The following ACSM5 variants were observed in gnomAD, a reference collection of about 807,000 sequenced individuals.
The protein encoded by ACSM5 is acyl-coenzyme A synthetase ACSM5, mitochondrial.
A neutral mutation model predicts 71.6 loss-of-function variants in ACSM5; 56 were observed. That is an observed-to-expected ratio of 0.78 (90% CI 0.63 to 0.98). The LOEUF (loss-of-function observed/expected upper bound fraction) is 0.98, where lower values mean the gene tolerates loss of function less well. Ranked by LOEUF, ACSM5 falls within the 50% of genes least tolerant of loss-of-function variation. ACSM5 has a pLI of 0.00. For synonymous variants in ACSM5, 285 were observed against 281.5 expected (o/e 1.01, Z -0.12); for missense variants, 723 against 726.0 (o/e 1.00, Z 0.05).
intron 6 of ACSM5, among the ~76,000 whole-genome samples, chr16:20,424,511 G>A (rs1286004523): frequency 6.6e-6 from 1 of 151,858 alleles, no homozygotes; most frequent in African/African-American, 2.4e-5. Flanking sequence ...GAGATTGGTG[G>A]CCCCAGTCAA....
At chr16:20,437,951 C>A (rs1017377277) in intron 12 of ACSM5, among the ~76,000 whole-genome samples, 3 of 147,260 alleles carry the variant, frequency 2.0e-5, no homozygotes, top group Non-Finnish European at 4.5e-5. Flanking sequence ...GCACCCCCCC[C>A]AGTAGCTGGG....
intron 10 of ACSM5, among the ~76,000 whole-genome samples, chr16:20,433,216 CAT>C (rs778910449): frequency 9.2e-5 from 14 of 152,318 alleles, no homozygotes; most frequent in South Asian, 8.3e-4. Context: ...AATCAGGAAA[CAT>C]GTGAAAATTA....
intron 4 of ACSM5, 46 bp from the exon 5 acceptor site, chr16:20,421,212 C>G (rs1966877226): frequency 6.6e-7 from 1 of 1,515,236 alleles, no homozygotes; most frequent in Non-Finnish European, 8.9e-7. Flanking sequence ...GTGCTACTAA[C>G]TGTTTTTACC....
At chr16:20,409,907 G>A (rs1309242771) in intron 1 of ACSM5, among the ~76,000 whole-genome samples, 6 of 114,068 alleles carry the variant, frequency 5.3e-5, no homozygotes, top group African/African-American at 1.4e-4. Flanking sequence ...GAGAGGTGAG[G>A]GGCGGGAGAG....
Position 20,411,611 on chromosome 16 carries a change from A to G in ACSM5, c.127A>G (p.Ser43Gly). Reference protein sequence around the residue: ...QKIVATWEAISLGRQLVPEYF... With the variant: ...QKIVATWEAIGLGRQLVPEYF... ...GATCGTGGCCACCTGGGAAGCCATC[A>G]GCCTGGGAAGGCAGCTGGTGCCTGA... is the stretch of plus-strand genomic sequence containing the variant. The change falls in exon 2 of 14, where the codon AGC becomes GGC. Residue 43 changes from serine to glycine, a missense_variant. Ser to Gly is a moderately conservative substitution (Grantham distance 56). Transcript: ENST00000331849. The G allele has an allele frequency of 1.2e-6, 2 of 1,614,204 alleles. No homozygotes were observed. The highest frequency in any genetic ancestry group is 1.1e-5 in the South Asian group (1 of 91,080).
At chr16:20,426,063 C>G (rs192073760) in intron 6 of ACSM5, among the ~76,000 whole-genome samples, 6,583 of 151,872 alleles carry the variant, frequency 0.043, 147 homozygotes, top group South Asian at 0.058. Context: ...TAGAAGTGTT[C>G]CTTGTTCACT....
At chr16:20,439,438 C>G (rs555051996) in intron 12 of ACSM5, among the ~76,000 whole-genome samples, 41 of 151,466 alleles carry the variant, frequency 2.7e-4, no homozygotes, top group African/African-American at 1.0e-3. Context: ...CTACCTTTCT[C>G]ATTAGGAAAA....
chr16:20,419,540 G>A lies in ACSM5; in HGVS notation c.623+105G>A. On this transcript the variant is annotated intron_variant, in intron 4 of 13. Coordinates refer to ENST00000331849, the MANE Select transcript of ACSM5 (RefSeq NM_017888.3). ...TTCCACACATAGAGAGCGAATCAGAGAGGAGCACTCCCATTGGCAGCCAGG... is the reference window on the plus strand; with the variant it reads ...TTCCACACATAGAGAGCGAATCAGAAAGGAGCACTCCCATTGGCAGCCAGG... The A allele has an allele frequency of 2.6e-6, 3 of 1,145,182 alleles. No individual in the cohort carries two copies. In the South Asian group the frequency reaches 4.3e-5, roughly 16 times the overall value. The allele number at this position is 1,145,182 out of a possible 1,614,324, so 70.9% of individuals were successfully genotyped here. A position where few individuals can be genotyped will look rare whatever the true frequency, so the allele number is the denominator to read the frequency against.
chr16:20,414,558 A>G (rs749711584), intron 2 of ACSM5, among the ~76,000 whole-genome samples: 2 of 152,258 alleles, frequency 1.3e-5, no homozygotes, highest in Non-Finnish European at 2.9e-5. Context: ...CTCCAGAACT[A>G]TAAGGCTGTA....
intron 3 of ACSM5, among the ~76,000 whole-genome samples, chr16:20,418,985 G>A (rs967835829): frequency 3.3e-5 from 5 of 152,178 alleles, no homozygotes; most frequent in African/African-American, 1.2e-4. Flanking sequence ...GGTTCCTTCA[G>A]CAGAGAAACA....
chr16:20,426,177 C>T (rs1596618274), intron 6 of ACSM5, among the ~76,000 whole-genome samples: 1 of 152,128 alleles, frequency 6.6e-6, no homozygotes. Context: ...GATTCTTAAC[C>T]CATATTGATT....
At chr16:20,435,986 C>G (rs1165396957) in intron 10 of ACSM5, among the ~76,000 whole-genome samples, 9 of 144,704 alleles carry the variant, frequency 6.2e-5, no homozygotes, top group Non-Finnish European at 1.5e-5. Flanking sequence ...TTTTTTCTTT[C>G]TTTCTTTTCT....
intron 12 of ACSM5, among the ~76,000 whole-genome samples, chr16:20,437,630 T>C (rs1427082338): frequency 7.8e-6 from 1 of 127,506 alleles, no homozygotes; most frequent in African/African-American, 3.2e-5. Flanking sequence ...GCAGGAGATC[T>C]TGGGGGAGGT....
chr16:20,430,979 T>C lies in ACSM5; in HGVS notation c.1126-14T>C. On this transcript the variant is annotated splice_polypyrimidine_tract_variant and intron_variant, in intron 8 of 13. Transcript: ENST00000331849. Reference sequence around the variant, plus strand: ...TGGAAAGGCTCTTCTTTATCTGTACTGCGTTCTCCCCAGGTTGTCATCTGT... The same window carrying C: ...TGGAAAGGCTCTTCTTTATCTGTACCGCGTTCTCCCCAGGTTGTCATCTGT... 6.2e-7 allele frequency: 1 copy of C among 1,605,710 alleles called. No homozygotes were observed. The highest frequency in any genetic ancestry group is 8.5e-7 in the Non-Finnish European group (1 of 1,175,354).
chr16:20,418,495 C>A (rs764559766), intron 3 of ACSM5, among the ~76,000 whole-genome samples: 2 of 152,096 alleles, frequency 1.3e-5, no homozygotes, highest in African/African-American at 4.8e-5. Context: ...GTGAGGACTG[C>A]GGCAAACTGG....
rs757154481 is a variant in ACSM5, at chr16:20,418,040, T to A, written c.205-19T>A. 3.1e-6 allele frequency: 5 copies of A among 1,592,382 alleles called. No homozygotes were observed. The highest frequency in any genetic ancestry group is 2.6e-6 in the Non-Finnish European group (3 of 1,171,788). ...TCAATAAATTGCTTCTTTTTTTTTC[T>A]GCCTGTACCACCATCTAGGCTGGAC... is the stretch of plus-strand genomic sequence containing the variant. On this transcript the variant is annotated intron_variant, in intron 2 of 13. Coordinates refer to ENST00000331849, the MANE Select transcript of ACSM5 (RefSeq NM_017888.3).
At position 20,439,889 on chromosome 16, in the gene ACSM5, G is replaced by A. The variant is rs1567349911; in HGVS notation, c.1626G>A (p.Arg542=). The change falls in exon 13 of 14, where the codon AGG becomes AGA. Residue 542 remains arginine (R), a synonymous_variant. Coordinates refer to ENST00000331849, the MANE Select transcript of ACSM5 (RefSeq NM_017888.3). ...GGGAACTCCAGGAGCATGTGAAAAG[G>A]GTGACTGCTCCATACAAATACCCCA... is the stretch of plus-strand genomic sequence containing the variant. The part of the protein sequence containing the change: ...LTRELQEHVK[R]VTAPYKYPRK... The A allele has an allele frequency of 6.2e-7, 1 of 1,612,376 alleles. No homozygotes were observed. Among genetic ancestry groups the A allele is most frequent in the Non-Finnish European group, 8.5e-7 (1 of 1,178,806 alleles).
intron 7 of ACSM5, 59 bp downstream of exon 7, chr16:20,427,926 A>G: frequency 5.0e-6 from 6 of 1,189,114 alleles, no homozygotes; most frequent in Non-Finnish European, 7.5e-6. Context: ...TAGCATGGGT[A>G]TCCACACACA....
chr16:20,415,699 T>C (rs111813239), intron 2 of ACSM5, among the ~76,000 whole-genome samples: 6,746 of 152,254 alleles, frequency 0.044, 160 homozygotes, highest in South Asian at 0.059. Context: ...GAATGTGGAA[T>C]TGGGAGCCCA....
Sources: gnomAD v4.1 joint callset for allele counts (sites outside exome capture counted in the v4.1 genomes callset) on GRCh38, gnomAD v4.1.1 for gene constraint, MANE v1.5 for transcripts, NCBI Gene and HGNC (gene_info 2026-07-23, HGNC 2026-07-21) for gene names.